The following DSCC1 variants were observed in gnomAD, a reference collection of about 807,000 sequenced individuals.
The protein encoded by DSCC1 is DNA replication and sister chromatid cohesion 1, also known as sister chromatid cohesion protein DCC1.
Under a neutral mutation model 48.2 loss-of-function variants are expected in DSCC1, and 32 were observed. That is an observed-to-expected ratio of 0.66 (90% CI 0.50 to 0.89). DSCC1 has a LOEUF of 0.89. DSCC1 is among the 40% of genes least tolerant of loss of function. The pLI is 0.00. For missense variants in DSCC1, 421 were observed against 471.7 expected, an observed-to-expected ratio of 0.89 and a Z score of 1.00; for synonymous variants, 150 against 171.5, an observed-to-expected ratio of 0.87 and a Z score of 0.98.
At chr8:119,841,312 T>A (rs1425874729) in intron 7 of DSCC1, among the ~76,000 whole-genome samples, 1 of 152,142 alleles carries the variant, frequency 6.6e-6, no homozygotes, top group Non-Finnish European at 1.5e-5. Context: ...TTTCAAAAGA[T>A]CATTCTAGTA....
intron 6 of DSCC1, 65 bp from the exon 7 acceptor site, chr8:119,842,013 C>A: frequency 6.6e-7 from 1 of 1,520,548 alleles, no homozygotes; most frequent in South Asian, 1.2e-5. Flanking sequence ...ACTAACATTT[C>A]CTTTTCTTTG....
rs893882952 is a variant in DSCC1 at position 119,842,096 on chromosome 8, C to G, written c.770-148G>C. The G allele has an allele frequency of 9.4e-6, 8 of 853,954 alleles. No homozygotes were observed. In the African/African-American group the frequency reaches 1.4e-4, roughly 15 times the overall value. 52.9% of individuals were successfully genotyped at this position (853,954 alleles called of 1,614,324 possible). On this transcript the variant is annotated intron_variant, in intron 6 of 8. Transcript: ENST00000313655. The stretch of plus-strand genomic sequence containing the variant: ...CCCCATAGTTCGTTTTTTTTTGAGA[C>G]AGAGTCTCGCTCTGTCACCCAGGCT...
intron 6 of DSCC1, 120 bp downstream of exon 6, chr8:119,842,656 G>A: frequency 2.4e-6 from 2 of 844,878 alleles, no homozygotes; most frequent in South Asian, 1.5e-5. Context: ...AAAGTGCTGG[G>A]ATTATAGGTG....
At chr8:119,843,965 C>G (rs2131300725) in intron 4 of DSCC1, among the ~76,000 whole-genome samples, 1 of 152,122 alleles carries the variant, frequency 6.6e-6, no homozygotes, top group East Asian at 1.9e-4. Context: ...TTAGTAGAAA[C>G]AGGGTTCCAC....
Position 119,838,348 on chromosome 8 carries a change from A to G in DSCC1, c.984T>C (p.Asp328=). 3 of 1,610,102 alleles carry G rather than the reference A, an allele frequency of 1.9e-6. No homozygotes were observed. The highest frequency in any genetic ancestry group is 2.5e-6 in the Non-Finnish European group (3 of 1,178,480). Residue 328 remains aspartate (D), a synonymous_variant, in exon 8 of 9, where the codon GAT becomes GAC. Coordinates refer to ENST00000313655, the MANE Select transcript of DSCC1 (RefSeq NM_024094.3). The part of the protein sequence containing the change: ...RPEIIFLLKV[D]DLPEDNQERF... ...GTTCCTGATTATCCTCAGGTAAATCATCTACTTTCAGCAAAAATATGATTT... is the reference window on the plus strand; with the variant it reads ...GTTCCTGATTATCCTCAGGTAAATCGTCTACTTTCAGCAAAAATATGATTT...
intron 4 of DSCC1, among the ~76,000 whole-genome samples, chr8:119,844,971 C>T (rs1371905902): frequency 6.6e-6 from 1 of 152,146 alleles, no homozygotes; most frequent in Non-Finnish European, 1.5e-5. Flanking sequence ...CTCTGAGGTA[C>T]AATGTGGATG....
At chr8:119,843,547 T>A in intron 5 of DSCC1, 62 bp downstream of exon 5, 1 of 1,546,906 alleles carries the variant, frequency 6.5e-7, no homozygotes, top group South Asian at 1.2e-5. Context: ...TTAATTCCAA[T>A]CTGTAAAACA....
intron 1 of DSCC1, 118 bp downstream of exon 1, chr8:119,855,496 A>G (rs922829373): frequency 3.7e-6 from 5 of 1,361,110 alleles, no homozygotes; most frequent in Admixed American, 2.9e-5. Flanking sequence ...GCAGCTTGCT[A>G]TGAGCCCCCG....
chr8:119,843,628 G>A lies in DSCC1; in HGVS notation c.697C>T (p.Leu233Phe), dbSNP rs1298282973. The A allele has an allele frequency of 1.9e-6, 3 of 1,612,122 alleles. No individual in the cohort carries two copies. The change falls in exon 5 of 9, where the codon CTC becomes TTC. Residue 233 changes from leucine (L) to phenylalanine (F), a missense_variant. Physicochemically the swap from Leu to Phe is conservative, Grantham distance 22 (BLOSUM62 0). Around this residue, in one of 3 missense-constraint regions of DSCC1, gnomAD observed 238 missense variants for 259.0 expected, o/e 0.92. Coordinates refer to ENST00000313655, the MANE Select transcript of DSCC1 (RefSeq NM_024094.3). The stretch of plus-strand genomic sequence containing the variant: ...ACTTACTCTGGCTCCAATGGTCCGA[G>A]TTCCTGAAGGCATGTGTTCAAAGGA... ...KVPLNTCLQE[L>F]GPLEPEEMIE... is the part of the protein sequence containing the mutation.
rs1291674148 is a variant in DSCC1 at position 119,842,705 on chromosome 8, C to T, written c.769+71G>A. Reference sequence around the variant, plus strand: ...CCAGCCAGAGTTCTTATTTTTAACACCGACAGGCTTTAGAAAGGTATGCCA... The same window carrying T: ...CCAGCCAGAGTTCTTATTTTTAACATCGACAGGCTTTAGAAAGGTATGCCA... On this transcript the variant is annotated intron_variant, in intron 6 of 8. Coordinates refer to ENST00000313655, the MANE Select transcript of DSCC1 (RefSeq NM_024094.3). 4.9e-6 allele frequency: 7 copies of T among 1,423,028 alleles called. No homozygotes were observed. The Admixed American group carries it at 1.2e-4, about 25-fold the overall frequency. The allele number at this position is 1,423,028 out of a possible 1,614,324, so 88.2% of individuals were successfully genotyped here.
Position 119,852,388 on chromosome 8 carries a change from C to G in DSCC1, c.351+659G>C, listed in dbSNP as rs1453281597. On this transcript the variant is annotated intron_variant, in intron 2 of 8. Coordinates refer to ENST00000313655, the MANE Select transcript of DSCC1 (RefSeq NM_024094.3). The stretch of plus-strand genomic sequence containing the variant: ...TCTTTTTTGGAGACAGAGTCTTGCT[C>G]TGTCACCCAGGCTGGAGTGCAGTGG... Among the ~76,000 whole-genome samples the G allele has an allele frequency of 5.9e-5, 9 of 152,302 alleles. No homozygotes were observed. The South Asian group carries it at 1.9e-3, about 32-fold the overall frequency.
At chr8:119,848,856 G>A (rs1195705795) in intron 3 of DSCC1, among the ~76,000 whole-genome samples, 3 of 152,104 alleles carry the variant, frequency 2.0e-5, no homozygotes, top group Non-Finnish European at 4.4e-5. Flanking sequence ...TTGGGAGGCT[G>A]AGGTGGGCAG....
chr8:119,854,073 GTGTGATGATGCACACC>G (rs754100131), intron 1 of DSCC1, among the ~76,000 whole-genome samples: 2 of 152,220 alleles, frequency 1.3e-5, no homozygotes, highest in Non-Finnish European at 2.9e-5. Context: ...AGTTAGCTGG[GTGTGATGATGCACACC>G]TTAAGTCTCA....
chr8:119,836,508 C>G (rs1316580477), intron 8 of DSCC1, among the ~76,000 whole-genome samples: 3 of 151,982 alleles, frequency 2.0e-5, no homozygotes, highest in South Asian at 4.2e-4. Flanking sequence ...TAGTTTGAAC[C>G]AGAAGGTAGG....
At chr8:119,836,046 C>A (rs1014250024) in intron 8 of DSCC1, among the ~76,000 whole-genome samples, 1 of 152,218 alleles carries the variant, frequency 6.6e-6, no homozygotes, top group Non-Finnish European at 1.5e-5. Context: ...GGCGCGGCGG[C>A]TCATGCCTGT....
rs748644620 is a variant in DSCC1 at position 119,841,862 on chromosome 8, C to G, written c.856G>C (p.Ala286Pro). ...TGCTGCCACACTTCTTGAAACTCAG[C>G]GAGATTGAATTTCACCGCATTCTGA... ...LLQNAVKFNL[A>P]EFQEVWQQSV... Residue 286 changes from alanine (A) to proline (P), a missense_variant, in exon 7 of 9, where the codon GCT becomes CCT. Transcript: ENST00000313655. The G allele has an allele frequency of 6.2e-7, 1 of 1,614,078 alleles. No homozygotes were observed.
At chr8:119,837,707 G>C (rs1168097491) in intron 8 of DSCC1, among the ~76,000 whole-genome samples, 1 of 152,200 alleles carries the variant, frequency 6.6e-6, no homozygotes, top group Non-Finnish European at 1.5e-5. Context: ...AAGAGGGAGA[G>C]AGGGCCACAG....
intron 2 of DSCC1, among the ~76,000 whole-genome samples, chr8:119,851,469 G>C (rs74844364): frequency 3.0e-4 from 45 of 152,270 alleles, no homozygotes; most frequent in African/African-American, 1.1e-3. Flanking sequence ...TTCTGGCTAC[G>C]TCCAATACAC....
chr8:119,848,976 A>AGATC (rs1826902762), intron 3 of DSCC1, among the ~76,000 whole-genome samples: 1 of 151,886 alleles, frequency 6.6e-6, no homozygotes, highest in South Asian at 2.1e-4. Flanking sequence ...CGAGGTCAGG[A>AGATC]GATCGAGACC....
Sources: allele counts gnomAD v4.1 joint callset (sites outside exome capture counted in the v4.1 genomes callset), GRCh38; gene constraint gnomAD v4.1.1; regional missense constraint gnomAD v4.1.1; transcripts MANE v1.5; gene names NCBI Gene and HGNC (gene_info 2026-07-23, HGNC 2026-07-21).